The following UNC93A variants were observed in gnomAD, a reference collection of about 807,000 sequenced individuals.
UNC93A encodes unc-93 homolog A.
UNC93A carries 43 observed loss-of-function variants against 47.5 expected under a neutral mutation model. The observed-to-expected ratio is 0.91, with a 90% CI of 0.71 to 1.17. The LOEUF (loss-of-function observed/expected upper bound fraction) is 1.17. Ranked by LOEUF, UNC93A falls within the 50% of genes most tolerant of loss-of-function variation. The pLI is 0.00. For synonymous variants in UNC93A, 280 were observed against 258.0 expected, an observed-to-expected ratio of 1.09 and a Z score of -0.82; for missense variants, 605 against 577.6, an observed-to-expected ratio of 1.05 and a Z score of -0.49.
chr6:167,293,560 C>T (rs1426649973), intron 1 of UNC93A, among the ~76,000 whole-genome samples: 3 of 152,082 alleles, frequency 2.0e-5, no homozygotes, highest in Non-Finnish European at 2.9e-5. Context: ...GCTGAGGAGC[C>T]GAGCCCACCT....
rs116298158 is a variant in UNC93A, at chr6:167,280,824, G to A, written c.-52+9366G>A. Among the ~76,000 whole-genome samples the A allele has an allele frequency of 6.5e-3, 986 of 152,266 alleles. 11 individuals are homozygous for A. Among genetic ancestry groups the A allele is most frequent in the African/African-American group, 0.023 (935 of 41,524 alleles). On this transcript the variant is annotated intron_variant, in intron 1 of 3. Coordinates refer to the UNC93A transcript ENST00000503433. ...TACAGCAGTATTGAGTTAGGTAACC[G>A]GTTGGATCAAGGTTGATACTGAAAA...
chr6:167,276,502 T>A (rs533589448), intron 1 of UNC93A, among the ~76,000 whole-genome samples: 2 of 152,286 alleles, frequency 1.3e-5, no homozygotes, highest in South Asian at 4.1e-4. Context: ...TGTACAATAG[T>A]ATTATTCTTC....
rs1238478085 is a variant in UNC93A, at chr6:167,304,572, C to CT, written c.840+446dup. On this transcript the variant is annotated intron_variant, in intron 5 of 7. Coordinates refer to ENST00000230256, the MANE Select transcript of UNC93A (RefSeq NM_018974.4). ...ATCTCTCTAGTTTTTTTTTTTCTTT[C>CT]TTTTTTTCTTTTTTTGAGATGGAGT... Among the ~76,000 whole-genome samples, 230 of 149,296 alleles carry CT rather than the reference C, an allele frequency of 1.5e-3. 4 individuals carry two copies. The highest frequency in any genetic ancestry group is 5.3e-3 in the African/African-American group (216 of 40,394).
At chr6:167,294,488 C>G (rs758076863) in intron 1 of UNC93A, 29 bp from the exon 2 acceptor site, 9 of 1,612,524 alleles carry the variant, frequency 5.6e-6, no homozygotes, top group Non-Finnish European at 7.6e-6. Context: ...CCATCCTGTG[C>G]TCTGACAGGG....
At position 167,273,240 on chromosome 6, in the gene UNC93A, T is replaced by TGAC. The variant is rs542605877; in HGVS notation, c.-52+1783_-52+1785dup. 8.6e-4 allele frequency among the ~76,000 whole-genome samples: 131 copies of TGAC among 152,246 alleles called. 1 individual carries two copies. Among genetic ancestry groups the TGAC allele is most frequent in the African/African-American group, 3.1e-3 (130 of 41,526 alleles). On this transcript the variant is annotated intron_variant, in intron 1 of 3. Coordinates refer to the UNC93A transcript ENST00000503433. The stretch of plus-strand genomic sequence containing the variant: ...CGCTGGGTCAGGCCCCATCTCACCA[T>TGAC]GACTGCTCATCTTTTTGGGCACCAG...
At chr6:167,273,232 T>C (rs545275320) in intron 1 of UNC93A, among the ~76,000 whole-genome samples, 2 of 152,252 alleles carry the variant, frequency 1.3e-5, no homozygotes, top group Non-Finnish European at 2.9e-5. Flanking sequence ...TCAGGCCCCA[T>C]CTCACCATGA....
chr6:167,314,824 T>TC (rs1778648494), intron 7 of UNC93A, among the ~76,000 whole-genome samples: 6 of 152,176 alleles, frequency 3.9e-5, no homozygotes, highest in Admixed American at 3.9e-4. Flanking sequence ...AAACCAATGC[T>TC]CATCTTAACC....
At chr6:167,299,553 CT>C (rs1213892770) in intron 4 of UNC93A, among the ~76,000 whole-genome samples, 1 of 152,200 alleles carries the variant, frequency 6.6e-6, no homozygotes, top group Non-Finnish European at 1.5e-5. Flanking sequence ...AGAAGCTCGC[CT>C]TTAGTAAGCT....
rs1778448929 is a variant in UNC93A, at chr6:167,307,930, C to T, written c.1108+20C>T. 6 of 1,612,562 alleles carry T rather than the reference C, an allele frequency of 3.7e-6. No homozygotes were observed. Among genetic ancestry groups the T allele is most frequent in the Non-Finnish European group, 5.1e-6 (6 of 1,179,254 alleles). The stretch of plus-strand genomic sequence containing the variant: ...ACAATGGTGAGTCCCCAGCCCAGGC[C>T]CCTTCCTCTGTGGCAGCAGGGGGCG... On this transcript the variant is annotated intron_variant, in intron 7 of 7. Transcript: ENST00000230256.
chr6:167,313,923 T>C lies in UNC93A; in HGVS notation c.1109-1264T>C, dbSNP rs528685918. On this transcript the variant is annotated intron_variant, in intron 7 of 7. Coordinates refer to ENST00000230256, the MANE Select transcript of UNC93A (RefSeq NM_018974.4). Reference sequence around the variant, plus strand: ...TCTTTGGTCATTACTTTTATTAAGGTGGACAATGTGCAGACTGTGGGACAA... The same window carrying C: ...TCTTTGGTCATTACTTTTATTAAGGCGGACAATGTGCAGACTGTGGGACAA... Among the ~76,000 whole-genome samples, 223 of 152,284 alleles carry C rather than the reference T, an allele frequency of 1.5e-3. 1 individual carries two copies. Among genetic ancestry groups the C allele is most frequent in the African/African-American group, 5.0e-3 (208 of 41,542 alleles).
chr6:167,288,496 TAC>T (rs1330160037), upstream of UNC93A, among the ~76,000 whole-genome samples: 16 of 149,634 alleles, frequency 1.1e-4, no homozygotes, highest in African/African-American at 3.5e-4. Context: ...ACAGCATGAG[TAC>T]ATTTATTTCC....
rs576099483 is a variant in UNC93A at position 167,293,977 on chromosome 6, G to A, written c.88-540G>A. ...TGGCGGCCTGCAGTTTCCAGGATAC[G>A]AGGGCCACGTCCCTGGTCCATTCTC... On this transcript the variant is annotated intron_variant, in intron 1 of 7. Coordinates refer to ENST00000230256, the MANE Select transcript of UNC93A (RefSeq NM_018974.4). 5.9e-5 allele frequency among the ~76,000 whole-genome samples: 9 copies of A among 152,308 alleles called. No homozygotes were observed. In the East Asian group the frequency reaches 9.6e-4, roughly 16 times the overall value.
chr6:167,297,973 CTG>C lies in UNC93A; in HGVS notation c.531_532del (p.Cys177TrpfsTer4). 6.2e-7 allele frequency: 1 copy of C among 1,614,112 alleles called. No individual in the cohort carries two copies. Among genetic ancestry groups the C allele is most frequent in the Non-Finnish European group, 8.5e-7 (1 of 1,180,018 alleles). On this transcript the variant is annotated frameshift_variant, in exon 4 of 8. Transcript: ENST00000230256. LOFTEE classifies it high-confidence loss of function. ...ETLPEEQLTS[C>X]GASDCLMATT... ...CCCTTCCAGAAGAGCAGCTCACGTC[CTG>C]TGGGGCCAGTGACTGCCTGATGGCC...
intron 4 of UNC93A, among the ~76,000 whole-genome samples, chr6:167,301,021 C>G (rs1778227278): frequency 6.6e-6 from 1 of 152,254 alleles, no homozygotes; most frequent in African/African-American, 2.4e-5. Flanking sequence ...AAGCCATAGA[C>G]AACATGTAAG....
At chr6:167,281,727 T>A (rs1783637310) in intron 1 of UNC93A, among the ~76,000 whole-genome samples, 1 of 152,136 alleles carries the variant, frequency 6.6e-6, no homozygotes, top group South Asian at 2.1e-4. Flanking sequence ...ACTCTTCATT[T>A]GCTAGGTGCT....
rs776571748 is a variant in UNC93A at position 167,294,544 on chromosome 6, G to A, written c.115G>A (p.Gly39Ser). The A allele has an allele frequency of 3.7e-6, 6 of 1,614,032 alleles. No individual in the cohort carries two copies. The Admixed American group carries it at 1.0e-4, about 27-fold the overall frequency. Residue 39 changes from glycine to serine, a missense_variant, in exon 2 of 8, where the codon GGT becomes AGT. Gly to Ser is a moderately conservative substitution (Grantham distance 56). Coordinates refer to ENST00000230256, the MANE Select transcript of UNC93A (RefSeq NM_018974.4). ...QSSLYSEEGL[G>S]VTALSTLYGG... ...CAGCCTGTACAGCGAGGAGGGCCTG[G>A]GTGTCACAGCGCTCAGCACCCTCTA...
In UNC93A at chr6:167,296,097, G is replaced by C; in HGVS notation, c.335G>C (p.Cys112Ser). ...LGAAPLWSAQ[C>S]TYLTITGNTH... ...GCCGCCCCGCTGTGGTCTGCACAGT[G>C]CACATACCTCACGATCACGGGAAAC... Residue 112 changes from cysteine to serine, a missense_variant, in exon 3 of 8, where the codon TGC becomes TCC. Coordinates refer to ENST00000230256, the MANE Select transcript of UNC93A (RefSeq NM_018974.4). 6.2e-7 allele frequency: 1 copy of C among 1,614,242 alleles called. No homozygotes were observed. The highest frequency in any genetic ancestry group is 8.5e-7 in the Non-Finnish European group (1 of 1,180,058).
intron 4 of UNC93A, among the ~76,000 whole-genome samples, chr6:167,300,292 G>C (rs1416169298): frequency 6.6e-6 from 1 of 152,198 alleles, no homozygotes; most frequent in African/African-American, 2.4e-5. Context: ...AATTGTTACA[G>C]AGAAGGGAGT....
chr6:167,302,832 G>A (rs1049881508), intron 4 of UNC93A, among the ~76,000 whole-genome samples: 5 of 152,126 alleles, frequency 3.3e-5, no homozygotes, highest in Admixed American at 6.5e-5. Flanking sequence ...GGCTAGCTGC[G>A]GTCTGAGAAC....
Sources: gnomAD v4.1 joint callset for allele counts (sites outside exome capture counted in the v4.1 genomes callset) on GRCh38, gnomAD v4.1.1 for gene constraint, MANE v1.5 for transcripts, NCBI Gene and HGNC (gene_info 2026-07-23, HGNC 2026-07-21) for gene names.